Variants in CTNNA2 observed in about 807,000 individuals in gnomAD.
The protein encoded by CTNNA2 is catenin alpha-2.
In CTNNA2, 42 loss-of-function variants were observed where a neutral mutation model predicts 101.0. The observed-to-expected ratio is 0.42, with a 90% CI of 0.32 to 0.54. The LOEUF (loss-of-function observed/expected upper bound fraction) is 0.54, where lower values mean the gene tolerates loss of function less well. Ranked by LOEUF, CTNNA2 falls within the 20% of genes least tolerant of loss-of-function variation. The pLI, the probability that CTNNA2 is intolerant of heterozygous loss-of-function variation, is 0.14. For synonymous variants in CTNNA2, 450 were observed against 456.4 expected (o/e 0.99, Z 0.18); for missense variants, 871 against 1,223.1 (o/e 0.71, Z 4.29).
At chr2:79,860,069 T>G (rs1466687713) in intron 4 of CTNNA2, among the ~76,000 whole-genome samples, 1 of 152,206 alleles carries the variant, frequency 6.6e-6, no homozygotes, top group African/African-American at 2.4e-5. Flanking sequence ...TCCTCCAGTC[T>G]GTCTCTGTTA....
At chr2:79,392,107 C>T (rs1678180801) in intron 4 of CTNNA2, among the ~76,000 whole-genome samples, 2 of 152,168 alleles carry the variant, frequency 1.3e-5, no homozygotes, top group Non-Finnish European at 2.9e-5. Context: ...GGAGCTCCAA[C>T]ATATGAATTT....
chr2:79,580,365 G>T (rs1676075763), intron 1 of CTNNA2, among the ~76,000 whole-genome samples: 1 of 152,180 alleles, frequency 6.6e-6, no homozygotes, highest in African/African-American at 2.4e-5. Context: ...GTGCGCCAAA[G>T]AATGCAGTGG....
At chr2:80,069,877 T>G (rs1698218938) in intron 7 of CTNNA2, among the ~76,000 whole-genome samples, 1 of 152,232 alleles carries the variant, frequency 6.6e-6, no homozygotes, top group South Asian at 2.1e-4. Flanking sequence ...CATTTTTATG[T>G]GGTAGGTTGA....
At chr2:79,698,123 G>A (rs1021669644) in intron 2 of CTNNA2, among the ~76,000 whole-genome samples, 15 of 151,834 alleles carry the variant, frequency 9.9e-5, no homozygotes, top group African/African-American at 2.7e-4. Flanking sequence ...TGTAAGCTTC[G>A]GATGAGTATA....
At chr2:79,485,639 T>TGCC (rs1159899123) in intron 4 of CTNNA2, among the ~76,000 whole-genome samples, 1 of 152,232 alleles carries the variant, frequency 6.6e-6, no homozygotes, top group African/African-American at 2.4e-5. Flanking sequence ...CAACTCTGAC[T>TGCC]GCCACACAGT....
At chr2:80,269,735 A>G (rs1392531497) in intron 7 of CTNNA2, among the ~76,000 whole-genome samples, 1 of 152,222 alleles carries the variant, frequency 6.6e-6, no homozygotes, top group African/African-American at 2.4e-5. Flanking sequence ...GAAAATTCTG[A>G]GTACTATTTT....
intron 2 of CTNNA2, among the ~76,000 whole-genome samples, chr2:79,732,103 T>C (rs530557663): frequency 6.6e-6 from 1 of 152,270 alleles, no homozygotes; most frequent in Middle Eastern, 3.4e-3. Flanking sequence ...ATTAACTGAC[T>C]GTTTGAAATT....
intron 3 of CTNNA2, among the ~76,000 whole-genome samples, chr2:79,813,043 G>A (rs1355678305): frequency 6.6e-6 from 1 of 152,264 alleles, no homozygotes. Context: ...CTGCAGTTAG[G>A]TGACTGCAGT....
Position 80,240,221 on chromosome 2 carries a change from T to G in CTNNA2, c.1057-152990T>G, listed in dbSNP as rs1670815850. 2.6e-5 allele frequency among the ~76,000 whole-genome samples: 4 copies of G among 152,208 alleles called. No homozygotes were observed. The South Asian group carries it at 8.3e-4, about 32-fold the overall frequency. On this transcript the variant is annotated intron_variant, in intron 7 of 18. Transcript: ENST00000402739. ...GGATGAACAAAGTCCCTGTCCAATC[T>G]AAGTGGTGACTCTAAGACACACATG...
At chr2:80,586,140 T>C (rs753436420) in intron 14 of CTNNA2, 6 of 152,188 alleles carry the variant, frequency 3.9e-5, no homozygotes, top group Non-Finnish European at 8.8e-5. Flanking sequence ...GCTTCTACTC[T>C]GGGCAGGATA....
intron 4 of CTNNA2, among the ~76,000 whole-genome samples, chr2:79,397,250 G>T (rs1678243149): frequency 6.6e-6 from 1 of 151,786 alleles, no homozygotes; most frequent in African/African-American, 2.4e-5. Flanking sequence ...TAATTATTTT[G>T]GAATATACAA....
chr2:79,827,748 A>T (rs1388465454), intron 3 of CTNNA2, among the ~76,000 whole-genome samples: 1 of 152,218 alleles, frequency 6.6e-6, no homozygotes, highest in Non-Finnish European at 1.5e-5. Context: ...ATGTGTCAAC[A>T]ATACTTAACA....
chr2:80,294,480 A>T (rs952769558), intron 7 of CTNNA2, among the ~76,000 whole-genome samples: 5 of 151,682 alleles, frequency 3.3e-5, no homozygotes, highest in African/African-American at 4.8e-5. Flanking sequence ...CCCTGACCCC[A>T]TGGAGCCCAG....
intron 7 of CTNNA2, among the ~76,000 whole-genome samples, chr2:80,276,686 G>A (rs1673934778): frequency 1.3e-5 from 2 of 151,800 alleles, no homozygotes; most frequent in African/African-American, 2.4e-5. Context: ...AAGAAGAAGA[G>A]GAGGAGGAGG....
intron 8 of CTNNA2, among the ~76,000 whole-genome samples, chr2:80,415,861 A>C (rs1679991054): frequency 6.6e-6 from 1 of 152,192 alleles, no homozygotes; most frequent in South Asian, 2.1e-4. Flanking sequence ...TATTAACCAT[A>C]TAAAAATAGA....
intron 4 of CTNNA2, among the ~76,000 whole-genome samples, chr2:79,438,773 T>G (rs930477187): frequency 1.3e-5 from 2 of 152,198 alleles, no homozygotes; most frequent in African/African-American, 4.8e-5. Flanking sequence ...GAACAGACAT[T>G]TCTCCAAAGA....
intron 3 of CTNNA2, among the ~76,000 whole-genome samples, chr2:79,322,929 G>A (rs752241416): frequency 7.9e-5 from 12 of 152,182 alleles, no homozygotes; most frequent in Non-Finnish European, 1.8e-4. Context: ...TATGGTTTGC[G>A]AGAGAAGTTT....
At chr2:79,245,595 A>G (rs886349882) in intron 2 of CTNNA2, among the ~76,000 whole-genome samples, 1 of 152,224 alleles carries the variant, frequency 6.6e-6, no homozygotes, top group Non-Finnish European at 1.5e-5. Context: ...GACTCACTTT[A>G]GCTTTGGTAT....
intron 9 of CTNNA2, among the ~76,000 whole-genome samples, chr2:80,433,168 G>A (rs527277386): frequency 5.3e-5 from 8 of 152,194 alleles, no homozygotes; most frequent in Non-Finnish European, 5.9e-5. Flanking sequence ...TCTCTGTTAC[G>A]TAGAGCTTAA....
Sources: gnomAD v4.1 joint callset for allele counts (sites outside exome capture counted in the v4.1 genomes callset) on GRCh38, gnomAD v4.1.1 for gene constraint, MANE v1.5 for transcripts, NCBI Gene and HGNC (gene_info 2026-07-23, HGNC 2026-07-21) for gene names.